Variants in RNF213 observed in about 807,000 individuals in gnomAD.
The protein encoded by RNF213 is ring finger protein 213, also known as E3 ubiquitin-protein ligase RNF213.
A neutral mutation model predicts 514.4 loss-of-function variants in RNF213; 341 were observed. The observed-to-expected ratio is 0.66, with a 90% CI of 0.61 to 0.73. The LOEUF (loss-of-function observed/expected upper bound fraction) is 0.73, where lower values mean the gene tolerates loss of function less well. Ranked by LOEUF, RNF213 falls within the 30% of genes least tolerant of loss-of-function variation. The probability of loss-of-function intolerance (pLI) is 0.00; values close to 1 mark genes in which losing one functional copy is unlikely to be tolerated. For synonymous variants in RNF213, 2,655 were observed against 2,658.2 expected (o/e 1.00, Z 0.04); for missense variants, 5,767 against 6,615.6 (o/e 0.87, Z 4.45).
Position 80,395,564 on chromosome 17 carries a change from A to C in RNF213, c.*2066A>C, listed in dbSNP as rs936943349. 1 of 152,274 alleles carries C rather than the reference A, an allele frequency of 6.6e-6. No individual in the cohort carries two copies. The highest frequency in any genetic ancestry group is 1.5e-5 in the Non-Finnish European group (1 of 68,076). 9.4% of individuals were successfully genotyped at this position (152,274 alleles called of 1,614,324 possible). Reference sequence around the variant, plus strand: ...ACTCCCTGTAGCCGATCTGGGACTGAAACGCTTACACCTCTGCCTCAGAAG... The same window carrying C: ...ACTCCCTGTAGCCGATCTGGGACTGCAACGCTTACACCTCTGCCTCAGAAG... On this transcript the variant is annotated 3_prime_UTR_variant, in exon 68 of 68. Transcript: ENST00000582970.
At chr17:80,273,116 A>G in intron 2 of RNF213, 125 bp from the exon 3 acceptor site, 1 of 1,302,468 alleles carries the variant, frequency 7.7e-7, no homozygotes, top group Non-Finnish European at 1.1e-6. Flanking sequence ...TAGCAGGCCC[A>G]ATGCAGGACC....
chr17:80,322,588 T>G (rs934833516), intron 17 of RNF213, among the ~76,000 whole-genome samples: 2 of 151,800 alleles, frequency 1.3e-5, no homozygotes, highest in African/African-American at 4.8e-5. Flanking sequence ...AAAAAAAAAT[T>G]TTTTTTCGTA....
At chr17:80,295,986 A>G (rs1222540926) in intron 10 of RNF213, among the ~76,000 whole-genome samples, 173 bp downstream of exon 10, 1 of 152,042 alleles carries the variant, frequency 6.6e-6, no homozygotes, top group Non-Finnish European at 1.5e-5. Flanking sequence ...CATCTGTCTT[A>G]TTTTTATTAT....
In RNF213 at chr17:80,349,875, G is replaced by A; in HGVS notation, c.10057G>A (p.Asp3353Asn). The change falls in exon 30 of 68, where the codon GAC becomes AAC. Residue 3353 changes from aspartate (D) to asparagine (N), a missense_variant. Physicochemically the swap from Asp to Asn is conservative, Grantham distance 23. This residue lies in a region of RNF213 where 919 missense variants were observed against 1,121.0 expected (regional missense o/e 0.82). Transcript: ENST00000582970. Reference sequence around the variant, plus strand: ...CACACTCCTGTGGCTGCAGCAGTTTGACACCGAGTACTCATTCCTCAAAGA... The same window carrying A: ...CACACTCCTGTGGCTGCAGCAGTTTAACACCGAGTACTCATTCCTCAAAGA... The part of the protein sequence containing the change: ...KPTLLWLQQF[D>N]TEYSFLKEVR... 6.2e-7 allele frequency: 1 copy of A among 1,614,004 alleles called. No homozygotes were observed. The highest frequency in any genetic ancestry group is 8.5e-7 in the Non-Finnish European group (1 of 1,180,014).
intron 11 of RNF213, among the ~76,000 whole-genome samples, chr17:80,299,089 C>T (rs767230962): frequency 6.6e-6 from 1 of 152,120 alleles, no homozygotes; most frequent in Non-Finnish European, 1.5e-5. Flanking sequence ...AATATGGATT[C>T]GTGGGTGTTT....
In RNF213 at chr17:80,347,910, G is replaced by A; in HGVS notation, c.9575G>A (p.Cys3192Tyr). ...CAGAAGAGCATCGTGGAGGAGCTCT[G>A]TGCGTGGGTGGAGAAGTTCATCAAT... The part of the protein sequence containing the change: ...KWQKSIVEEL[C>Y]AWVEKFINVK... The change falls in exon 29 of 68, where the codon TGT becomes TAT. Residue 3192 changes from cysteine to tyrosine, a missense_variant. By Grantham distance (194) the Cys-to-Tyr change is radical (BLOSUM62 -2). Coordinates refer to ENST00000582970, the MANE Select transcript of RNF213 (RefSeq NM_001256071.3). This position sits in a 1 kb window ranked among gnomAD's most constrained non-coding sequence, Gnocchi z 7.2. 9 of 1,614,232 alleles carry A rather than the reference G, an allele frequency of 5.6e-6. No homozygotes were observed. The highest frequency in any genetic ancestry group is 7.6e-6 in the Non-Finnish European group (9 of 1,180,024).
intron 49 of RNF213, among the ~76,000 whole-genome samples, chr17:80,373,371 G>A (rs576099027): frequency 4.0e-5 from 6 of 149,216 alleles, no homozygotes; most frequent in Admixed American, 1.3e-4. Flanking sequence ...CACTGCTTCC[G>A]CGTTCCGCCT....
At position 80,264,101 on chromosome 17, in the gene RNF213, CAAG is replaced by C. The variant is rs2043526035; in HGVS notation, c.97+327_97+329del. Reference sequence around the variant, plus strand: ...GGGCCAGGGCAGGGAGAGGACAAAACAAGAAGTTTTGTCGGGGTCTTTGCTGGA... The same window carrying C: ...GGGCCAGGGCAGGGAGAGGACAAAACAAGTTTTGTCGGGGTCTTTGCTGGA... On this transcript the variant is annotated intron_variant, in intron 2 of 67. Transcript: ENST00000582970. The surrounding 1 kb of genome is among the most constrained non-coding windows in gnomAD (Gnocchi z 5.0). 6.6e-6 allele frequency among the ~76,000 whole-genome samples: 1 copy of C among 152,204 alleles called. No homozygotes were observed. Among genetic ancestry groups the C allele is most frequent in the Admixed American group, 6.5e-5 (1 of 15,276 alleles).
intron 29 of RNF213, among the ~76,000 whole-genome samples, chr17:80,348,563 A>C (rs1262203204): frequency 6.6e-6 from 1 of 152,276 alleles, no homozygotes; most frequent in African/African-American, 2.4e-5. Flanking sequence ...GGCCAAGGGC[A>C]CTAGGGACGC....
intron 23 of RNF213, among the ~76,000 whole-genome samples, chr17:80,337,210 G>GTCA (rs2078011434): frequency 6.6e-6 from 1 of 152,326 alleles, no homozygotes; most frequent in Admixed American, 6.5e-5. Flanking sequence ...TGCTTCCAGC[G>GTCA]TCACCCCCAG....
At chr17:80,300,563 G>A (rs1203403358) in intron 11 of RNF213, among the ~76,000 whole-genome samples, 1 of 147,774 alleles carries the variant, frequency 6.8e-6, no homozygotes, top group African/African-American at 2.5e-5. Flanking sequence ...TTTTTGTTTT[G>A]TTTTGTTTGA....
intron 8 of RNF213, among the ~76,000 whole-genome samples, chr17:80,292,681 C>T (rs572354288): frequency 4.6e-5 from 7 of 152,036 alleles, no homozygotes; most frequent in Middle Eastern, 3.4e-3. Flanking sequence ...CGGGGGTCCC[C>T]CACCTGGGTT....
In RNF213 at chr17:80,353,136, T is replaced by A. The variant is rs2078592305; in HGVS notation, c.10423+77T>A. The A allele has an allele frequency of 1.9e-6, 3 of 1,585,764 alleles. No homozygotes were observed. Among genetic ancestry groups the A allele is most frequent in the South Asian group, 2.2e-5 (2 of 90,726 alleles). ...GCAGGTGTGGAGCGTGGCGTGCACATGGCACTAGGAGCAGGGCCACCGTGT... is the reference window on the plus strand; with the variant it reads ...GCAGGTGTGGAGCGTGGCGTGCACAAGGCACTAGGAGCAGGGCCACCGTGT... On this transcript the variant is annotated intron_variant, in intron 33 of 67. Coordinates refer to ENST00000582970, the MANE Select transcript of RNF213 (RefSeq NM_001256071.3). This position sits in a 1 kb window ranked among gnomAD's most constrained non-coding sequence, Gnocchi z 5.0.
chr17:80,349,654 G>A (rs2078433334), intron 29 of RNF213, 116 bp from the exon 30 acceptor site: 1 of 1,158,652 alleles, frequency 8.6e-7, no homozygotes, highest in South Asian at 1.2e-5. Context: ...GTGCCGTTGT[G>A]TGGCAACTGC....
At chr17:80,327,238 G>A (rs902489868) in intron 18 of RNF213, among the ~76,000 whole-genome samples, 10 of 152,310 alleles carry the variant, frequency 6.6e-5, no homozygotes, top group African/African-American at 1.7e-4. Flanking sequence ...TGGTTCATGC[G>A]TATAATCCTA....
At position 80,381,670 on chromosome 17, in the gene RNF213, G is replaced by A. The variant is rs751824353; in HGVS notation, c.13921G>A (p.Val4641Met). The change falls in exon 57 of 68, where the codon GTG becomes ATG. Residue 4641 changes from valine to methionine, a missense_variant. This residue lies in a region of RNF213 where 1,245 missense variants were observed against 1,339.0 expected (regional missense o/e 0.93). Transcript: ENST00000582970. ...LGHSADETIGVVHLVLRRLLQ... is the reference protein window; with the variant it reads ...LGHSADETIGMVHLVLRRLLQ... ...ACACAGTGCCGACGAGACCATCGGC[G>A]TGGTCCACCTCGTCCTGCGCAGGCT... The A allele has an allele frequency of 1.5e-5, 25 of 1,614,172 alleles. No individual in the cohort carries two copies. The highest frequency in any genetic ancestry group is 3.3e-5 in the South Asian group (3 of 91,080).
chr17:80,316,461 G>C (rs928070997), intron 15 of RNF213: 1 of 152,892 alleles, frequency 6.5e-6, no homozygotes, highest in Non-Finnish European at 1.5e-5. Context: ...TTCTAGAAAA[G>C]AGATGTGATA....
At chr17:80,299,369 C>G (rs1410799040) in intron 11 of RNF213, among the ~76,000 whole-genome samples, 1 of 152,096 alleles carries the variant, frequency 6.6e-6, no homozygotes, top group Non-Finnish European at 1.5e-5. Flanking sequence ...AGATAGATTC[C>G]TACAAGTGGA....
At chr17:80,269,764 G>A (rs79876928) in intron 2 of RNF213, among the ~76,000 whole-genome samples, 18 of 145,160 alleles carry the variant, frequency 1.2e-4, no homozygotes, top group African/African-American at 4.5e-4. Context: ...CTATCCATCC[G>A]TCCATCCATC....
Sources: allele counts gnomAD v4.1 joint callset (sites outside exome capture counted in the v4.1 genomes callset), GRCh38; gene constraint gnomAD v4.1.1; regional missense constraint gnomAD v4.1.1; non-coding constraint Gnocchi (gnomAD v3.1); transcripts MANE v1.5; gene names NCBI Gene and HGNC (gene_info 2026-07-23, HGNC 2026-07-21).